SPATA31C1: variants seen among roughly 807,000 people sequenced by gnomAD.
The protein encoded by SPATA31C1 is spermatogenesis-associated protein 31C1.
At chr9:87,916,368 C>G (rs1828718718) in intron 1 of SPATA31C1, among the ~76,000 whole-genome samples, 1 of 147,492 alleles carries the variant, frequency 6.8e-6, no homozygotes, top group African/African-American at 2.5e-5. Context: ...AAAGCACAAT[C>G]AATTCTAAGA....
exon 5 of SPATA31C1, chr9:87,921,042 A>G: frequency 6.2e-7 from 1 of 1,611,670 alleles, no homozygotes; most frequent in Non-Finnish European, 8.5e-7. Flanking sequence ...ATCCCCGATG[A>G]AGAACACTGG....
rs1233085115 is a variant in SPATA31C1, at chr9:87,917,051, TA to T, written n.190-795del. ...CATGTACCCCGGAACTTAAAATAAA[TA>T]CATAAGTACATAAATAGAATTTTAA... On this transcript the variant is annotated intron_variant and non_coding_transcript_variant, in intron 1 of 4. Transcript: ENST00000420021. Among the ~76,000 whole-genome samples the T allele has an allele frequency of 7.2e-4, 90 of 125,862 alleles. 3 individuals carry two copies. The highest frequency in any genetic ancestry group is 1.0e-3 in the South Asian group (3 of 2,978). 82.6% of individuals were successfully genotyped at this position (125,862 alleles called of 152,430 possible).
chr9:87,920,208 C>A lies in SPATA31C1; in HGVS notation n.642-44C>A, dbSNP rs981503294. The A allele has an allele frequency of 1.9e-6, 3 of 1,610,426 alleles. No homozygotes were observed. The African/African-American group carries it at 4.0e-5, about 22-fold the overall frequency. On this transcript the variant is annotated intron_variant and non_coding_transcript_variant, in intron 4 of 4. Transcript: ENST00000420021. ...CAAGCGCCCACTCTGCCCTCCGAAC[C>A]CATCTGGCTCCTGGCTGCAGCTTGT...
chr9:87,922,094 A>G, exon 5 of SPATA31C1: 1 of 1,613,964 alleles, frequency 6.2e-7, no homozygotes. Context: ...TGACCAAACC[A>G]TCTGTTCACA....
intron 2 of SPATA31C1, chr9:87,918,695 G>C: frequency 1.8e-5 from 2 of 109,988 alleles, no homozygotes; most frequent in Non-Finnish European, 3.5e-5. Flanking sequence ...GCCTGAGCCT[G>C]GGTGTTCCTG....
chr9:87,921,140 A>G lies in SPATA31C1; in HGVS notation n.1530A>G, dbSNP rs141383110. 2.8e-4 allele frequency: 446 copies of G among 1,611,770 alleles called. 1 individual carries two copies. The African/African-American group carries it at 5.5e-3, about 20-fold the overall frequency. ...CTGAAAGGCCTTTGTTGAGGAAACA[A>G]CTAGAAGGTGGGTTGGCTTTACCCT... On this transcript the variant is annotated non_coding_transcript_exon_variant, in exon 5 of 5. Transcript: ENST00000420021.
intron 2 of SPATA31C1, chr9:87,918,921 C>G (rs1487897654): frequency 2.8e-6 from 1 of 355,962 alleles, no homozygotes; most frequent in Non-Finnish European, 5.5e-6. Flanking sequence ...TACAGGCGCC[C>G]GCCACCACGC....
chr9:87,921,561 G>T (rs752341517), exon 5 of SPATA31C1: 7 of 1,612,028 alleles, frequency 4.3e-6, no homozygotes, highest in Non-Finnish European at 5.1e-6. Context: ...GACCTCTGAG[G>T]AGTCAGAAAG....
chr9:87,919,968 A>G, exon 4 of SPATA31C1: 2 of 1,607,960 alleles, frequency 1.2e-6, no homozygotes, highest in South Asian at 1.1e-5. Flanking sequence ...TGCTTTCACA[A>G]CTGCAGAGGT....
intron 3 of SPATA31C1, 76 bp downstream of exon 2, chr9:87,919,424 G>C: frequency 7.0e-6 from 11 of 1,578,976 alleles, no homozygotes; most frequent in Non-Finnish European, 9.4e-6. Context: ...GAAGAAGTCA[G>C]TTGAAAAAAC....
Position 87,921,531 on chromosome 9 carries a change from C to T in SPATA31C1, n.1921C>T, listed in dbSNP as rs749765781. The T allele has an allele frequency of 1.9e-6, 3 of 1,611,936 alleles. No individual in the cohort carries two copies. The South Asian group carries it at 3.3e-5, about 18-fold the overall frequency. On this transcript the variant is annotated non_coding_transcript_exon_variant, in exon 5 of 5. Transcript: ENST00000420021. ...TCTATCCAGGGGCATGGAAAGCTTC[C>T]CAGGGAAGGTTCTGGGGGCGACCTC...
At chr9:87,920,136 G>T in intron 4 of SPATA31C1, 116 bp from the exon 4 acceptor site, 1 of 1,599,236 alleles carries the variant, frequency 6.3e-7, no homozygotes, top group Non-Finnish European at 8.5e-7. Context: ...GGGTGGTCAG[G>T]GTGTGGCGTG....
chr9:87,923,063 C>T (rs1333419161), exon 5 of SPATA31C1: 28 of 1,600,462 alleles, frequency 1.7e-5, no homozygotes, highest in South Asian at 1.4e-4. Flanking sequence ...CATGCGTGTA[C>T]GGCAGCAGTG....
chr9:87,920,964 C>A (rs778630900), exon 5 of SPATA31C1: 1 of 1,613,070 alleles, frequency 6.2e-7, no homozygotes, highest in South Asian at 1.1e-5. Context: ...CCGGCCCACA[C>A]CTATGGCTCA....
chr9:87,922,915 T>C (rs1828914023), exon 5 of SPATA31C1: 1 of 1,604,132 alleles, frequency 6.2e-7, no homozygotes, highest in Non-Finnish European at 8.5e-7. Context: ...GTCCAGCTAC[T>C]GCCATCAAAG....
exon 5 of SPATA31C1, chr9:87,920,606 G>T (rs757839453): frequency 6.2e-7 from 1 of 1,613,504 alleles, no homozygotes; most frequent in East Asian, 2.2e-5. Flanking sequence ...CACCTCCTCC[G>T]AAAGGCTTCA....
exon 5 of SPATA31C1, chr9:87,920,788 G>T (rs1828836147): frequency 1.9e-6 from 3 of 1,613,910 alleles, no homozygotes; most frequent in Non-Finnish European, 2.5e-6. Flanking sequence ...GCCCTCTCCT[G>T]GTCGCAGGAG....
exon 5 of SPATA31C1, chr9:87,920,924 C>T (rs776453574): frequency 6.2e-6 from 10 of 1,613,118 alleles, no homozygotes; most frequent in African/African-American, 5.3e-5. Context: ...GGCCTGAGTC[C>T]CAACCCTTTA....
At chr9:87,923,373 C>T (rs199825147) in exon 5 of SPATA31C1, 117,003 of 1,598,150 alleles carry the variant, frequency 0.073, 5,464 homozygotes, top group South Asian at 0.18. Context: ...ATGGGGCCTG[C>T]GACATCCCCA....
Sources: gnomAD v4.1 joint callset for allele counts (sites outside exome capture counted in the v4.1 genomes callset) on GRCh38, gnomAD v4.1.1 for gene constraint, MANE v1.5 for transcripts, NCBI Gene and HGNC (gene_info 2026-07-23, HGNC 2026-07-21) for gene names.